The following KLHDC1 variants were observed in gnomAD, a reference collection of about 807,000 sequenced individuals.
KLHDC1 encodes kelch domain-containing protein 1.
KLHDC1 carries 53 observed loss-of-function variants against 68.3 expected under a neutral mutation model. The ratio of observed to expected loss-of-function variants is 0.78; its 90% CI spans 0.62 to 0.98. The LOEUF (loss-of-function observed/expected upper bound fraction) is 0.98, where lower values mean the gene tolerates loss of function less well. Ranked by LOEUF, KLHDC1 falls within the 50% of genes least tolerant of loss-of-function variation. The pLI is 0.00. For missense variants in KLHDC1, 470 were observed against 492.3 expected (o/e 0.95, Z 0.43); for synonymous variants, 148 against 159.0 (o/e 0.93, Z 0.52).
At chr14:49,697,574 T>G (rs1286395679) in intron 1 of KLHDC1, among the ~76,000 whole-genome samples, 1 of 152,220 alleles carries the variant, frequency 6.6e-6, no homozygotes, top group Non-Finnish European at 1.5e-5. Context: ...GCCACAAACC[T>G]TCAATTTATT....
rs752560834 is a variant in KLHDC1, at chr14:49,752,932, A to G, written c.*1160A>G. The G allele has an allele frequency of 7.2e-5, 11 of 152,046 alleles. No individual in the cohort carries two copies. Among genetic ancestry groups the G allele is most frequent in the African/African-American group, 1.2e-4 (5 of 41,462 alleles). 9.4% of individuals were successfully genotyped at this position (152,046 alleles called of 1,614,324 possible). A position where few individuals can be genotyped will look rare whatever the true frequency, so the allele number is the denominator to read the frequency against. ...AAATGTTAAAGAAAAACATTTCTAT[A>G]TTGAAATATATATAATTTATAATGA... is the stretch of plus-strand genomic sequence containing the variant. On this transcript the variant is annotated 3_prime_UTR_variant, in exon 13 of 13. Coordinates refer to ENST00000359332, the MANE Select transcript of KLHDC1 (RefSeq NM_172193.3).
At chr14:49,716,190 G>A (rs1055113100) in intron 4 of KLHDC1, among the ~76,000 whole-genome samples, 1 of 152,086 alleles carries the variant, frequency 6.6e-6, no homozygotes, top group Non-Finnish European at 1.5e-5. Context: ...GAATGCTTAT[G>A]GCAATGACAT....
intron 1 of KLHDC1, among the ~76,000 whole-genome samples, chr14:49,704,835 G>T (rs115993962): frequency 6.6e-6 from 1 of 152,150 alleles, no homozygotes; most frequent in Admixed American, 6.6e-5. Flanking sequence ...TGGACTGGGC[G>T]CAGTGGCTCA....
chr14:49,713,835 TATATATATA>T (rs1256343517), intron 4 of KLHDC1, among the ~76,000 whole-genome samples: 544 of 9,858 alleles, frequency 0.055, 137 homozygotes, highest in Non-Finnish European at 0.072. Context: ...TATATATATA[TATATATATA>T]TATATATTTT....
intron 12 of KLHDC1, among the ~76,000 whole-genome samples, chr14:49,747,313 C>T (rs1263549365): frequency 6.6e-6 from 1 of 152,184 alleles, no homozygotes; most frequent in Non-Finnish European, 1.5e-5. Flanking sequence ...TTTTAATCCC[C>T]TTCTCCACCA....
rs1566614625 is a variant in KLHDC1 at position 49,732,774 on chromosome 14, C to CT, written c.785dup (p.Leu263ProfsTer9). The CT allele has an allele frequency of 6.2e-7, 1 of 1,608,454 alleles. No homozygotes were observed. Among genetic ancestry groups the CT allele is most frequent in the South Asian group, 1.1e-5 (1 of 90,906 alleles). On this transcript the variant is annotated frameshift_variant, in exon 9 of 13. Transcript: ENST00000359332. LOFTEE classifies it high-confidence loss of function. ...TTTAACACCTATAGCTGATGATAAA[C>CT]TTTTCCTATGTGGTGGACTAAGTGC...
chr14:49,703,697 T>G (rs1308415164), intron 1 of KLHDC1, among the ~76,000 whole-genome samples: 2 of 150,752 alleles, frequency 1.3e-5, no homozygotes, highest in African/African-American at 4.8e-5. Flanking sequence ...GGTGTGTGCT[T>G]GTATGGCTGT....
chr14:49,693,211 T>C lies in KLHDC1; in HGVS notation c.17T>C (p.Leu6Pro), dbSNP rs745913804. 11 of 1,581,204 alleles carry C rather than the reference T, an allele frequency of 7.0e-6. No homozygotes were observed. Among genetic ancestry groups the C allele is most frequent in the Middle Eastern group, 3.4e-4 (2 of 5,970 alleles). The change falls in exon 1 of 13, where the codon CTG (leucine) becomes CCG (proline). Residue 6 changes from leucine to proline, a missense_variant. By Grantham distance (98) the Leu-to-Pro change is moderately conservative. Transcript: ENST00000359332. MADSQ[L>P]FCVAEERSGH... is the part of the protein sequence containing the mutation. Reference sequence around the variant, plus strand: ...ACGGCGCGAATGGCGGACTCTCAGCTGTTCTGTGTGGCGGAGGAACGCAGC... The same window carrying C: ...ACGGCGCGAATGGCGGACTCTCAGCCGTTCTGTGTGGCGGAGGAACGCAGC...
chr14:49,693,128 C>A lies in KLHDC1; in HGVS notation c.-67C>A. 7.2e-7 allele frequency: 1 copy of A among 1,388,336 alleles called. No homozygotes were observed. The highest frequency in any genetic ancestry group is 9.8e-7 in the Non-Finnish European group (1 of 1,016,104). 86.0% of individuals were successfully genotyped at this position (1,388,336 alleles called of 1,614,324 possible). A position where few individuals can be genotyped will look rare whatever the true frequency, so the allele number is the denominator to read the frequency against. ...CCGTTCGTGCGTGGAGCAGTCGGGGCTGGAGGCGAGGCCGCCGGGCGGGCA... is the reference window on the plus strand; with the variant it reads ...CCGTTCGTGCGTGGAGCAGTCGGGGATGGAGGCGAGGCCGCCGGGCGGGCA... On this transcript the variant is annotated 5_prime_UTR_variant, in exon 1 of 13. It adds an upstream start codon to the 5' untranslated region. Transcript: ENST00000359332.
intron 6 of KLHDC1, among the ~76,000 whole-genome samples, chr14:49,728,693 T>C (rs1418780457): frequency 6.6e-6 from 1 of 152,182 alleles, no homozygotes; most frequent in Non-Finnish European, 1.5e-5. Flanking sequence ...GTGTCAGACA[T>C]ATAAGAAAAA....
intron 12 of KLHDC1, among the ~76,000 whole-genome samples, chr14:49,746,858 T>C (rs1889209921): frequency 6.6e-6 from 1 of 152,018 alleles, no homozygotes; most frequent in South Asian, 2.1e-4. Context: ...AAACCTCTTA[T>C]CCTGTTAATT....
intron 4 of KLHDC1, among the ~76,000 whole-genome samples, chr14:49,723,457 G>C (rs1239476782): frequency 6.6e-6 from 1 of 152,018 alleles, no homozygotes; most frequent in African/African-American, 2.4e-5. Context: ...GCTTGAGCCC[G>C]GGAGGTGGAG....
intron 4 of KLHDC1, among the ~76,000 whole-genome samples, chr14:49,721,352 A>G (rs1405172883): frequency 5.9e-5 from 9 of 151,332 alleles, no homozygotes; most frequent in African/African-American, 1.9e-4. Context: ...TTTTTTTTTA[A>G]ATTTTATTTC....
chr14:49,727,245 C>T (rs547339383), intron 6 of KLHDC1, among the ~76,000 whole-genome samples: 11 of 151,466 alleles, frequency 7.3e-5, no homozygotes, highest in South Asian at 6.3e-4. Context: ...AATGAGACTC[C>T]GTCTGTACCA....
At chr14:49,711,910 C>CTTTT (rs992092493) in intron 4 of KLHDC1, among the ~76,000 whole-genome samples, 10 of 76,618 alleles carry the variant, frequency 1.3e-4, no homozygotes, top group East Asian at 3.6e-4. Flanking sequence ...TTTTCTTTTT[C>CTTTT]TTTTTTTTTT....
intron 4 of KLHDC1, among the ~76,000 whole-genome samples, chr14:49,722,874 G>A (rs1021332136): frequency 6.6e-6 from 1 of 150,834 alleles, no homozygotes; most frequent in Non-Finnish European, 1.5e-5. Context: ...ATCACTTGAG[G>A]TCAGGAGTTC....
chr14:49,699,377 G>C (rs981488038), intron 1 of KLHDC1, among the ~76,000 whole-genome samples: 1 of 151,268 alleles, frequency 6.6e-6, no homozygotes, highest in Non-Finnish European at 1.5e-5. Context: ...GAAGGAAAGG[G>C]AGACTAGGAG....
chr14:49,721,006 C>G (rs1339314220), intron 4 of KLHDC1, among the ~76,000 whole-genome samples: 1 of 152,022 alleles, frequency 6.6e-6, no homozygotes. Context: ...GCTGAAATTA[C>G]CCATTTATTC....
chr14:49,743,123 G>A (rs1195131214), intron 11 of KLHDC1, among the ~76,000 whole-genome samples: 2 of 149,420 alleles, frequency 1.3e-5, no homozygotes, highest in Non-Finnish European at 3.0e-5. Context: ...TGGGCTGGGT[G>A]CGGTGGCTCA....
Sources: gnomAD v4.1 joint callset for allele counts (sites outside exome capture counted in the v4.1 genomes callset) on GRCh38, gnomAD v4.1.1 for gene constraint, MANE v1.5 for transcripts, NCBI Gene and HGNC (gene_info 2026-07-23, HGNC 2026-07-21) for gene names.